Variants in C12orf56 observed in about 807,000 individuals in gnomAD.
The protein encoded by C12orf56 is uncharacterized protein C12orf56.
A neutral mutation model predicts 69.9 loss-of-function variants in C12orf56; 71 were observed. The observed-to-expected ratio is 1.02, with a 90% CI of 0.84 to 1.24. The LOEUF (loss-of-function observed/expected upper bound fraction) is 1.24, where lower values mean the gene tolerates loss of function less well. Among genes scored for constraint, C12orf56 ranks in the 50% most tolerant of loss-of-function variants. The pLI is 0.00. For synonymous variants in C12orf56, 276 were observed against 274.1 expected (o/e 1.01, Z -0.07); for missense variants, 732 against 738.5 (o/e 0.99, Z 0.10).
chr12:64,274,248 G>A (rs1331529906), intron 11 of C12orf56, among the ~76,000 whole-genome samples: 2 of 152,302 alleles, frequency 1.3e-5, no homozygotes, highest in East Asian at 3.9e-4. Context: ...CAGGGAGGGG[G>A]GTGGTGGTGG....
intron 6 of C12orf56, among the ~76,000 whole-genome samples, chr12:64,294,708 G>A (rs2038341649): frequency 1.3e-5 from 2 of 152,106 alleles, no homozygotes; most frequent in South Asian, 2.1e-4. Flanking sequence ...ATGGAAAGTT[G>A]TTGCTTAATG....
chr12:64,385,394 T>C (rs1166801323), intron 1 of C12orf56, among the ~76,000 whole-genome samples: 2 of 152,198 alleles, frequency 1.3e-5, no homozygotes, highest in African/African-American at 2.4e-5. Context: ...GGAATAGAAT[T>C]TTATCTGTAT....
At chr12:64,366,352 AT>A (rs1346010827) in intron 1 of C12orf56, among the ~76,000 whole-genome samples, 1 of 99,678 alleles carries the variant, frequency 1.0e-5, no homozygotes, top group Non-Finnish European at 1.8e-5. Context: ...TATATTATAT[AT>A]TATATACAGT....
intron 3 of C12orf56, among the ~76,000 whole-genome samples, chr12:64,320,717 C>T (rs2038760868): frequency 6.6e-6 from 1 of 152,128 alleles, no homozygotes; most frequent in Non-Finnish European, 1.5e-5. Context: ...CTTTGTTAAA[C>T]AAAGTTGATG....
intron 2 of C12orf56, among the ~76,000 whole-genome samples, chr12:64,337,141 A>G (rs2039007533): frequency 6.6e-6 from 1 of 152,204 alleles, no homozygotes; most frequent in African/African-American, 2.4e-5. Flanking sequence ...AGGCTCATAT[A>G]TCAACATATC....
intron 2 of C12orf56, among the ~76,000 whole-genome samples, chr12:64,343,916 G>A (rs1298974943): frequency 2.6e-5 from 4 of 152,168 alleles, no homozygotes; most frequent in Admixed American, 2.0e-4. Flanking sequence ...TGCTAAGTAT[G>A]TCTATGCCAA....
chr12:64,328,304 C>T (rs2038869772), intron 3 of C12orf56, among the ~76,000 whole-genome samples: 1 of 152,050 alleles, frequency 6.6e-6, no homozygotes, highest in African/African-American at 2.4e-5. Context: ...TTTCCCTATG[C>T]CTCTATATCC....
intron 3 of C12orf56, among the ~76,000 whole-genome samples, chr12:64,321,068 TG>T (rs1440092493): frequency 1.3e-5 from 2 of 152,250 alleles, no homozygotes; most frequent in African/African-American, 4.8e-5. Flanking sequence ...ATGCTTATTT[TG>T]TCTTTTGACA....
intron 6 of C12orf56, among the ~76,000 whole-genome samples, chr12:64,298,903 T>A (rs1434087311): frequency 6.6e-6 from 1 of 152,212 alleles, no homozygotes; most frequent in Non-Finnish European, 1.5e-5. Flanking sequence ...AGCAGTTCTT[T>A]CCAATTCTGT....
intron 1 of C12orf56, among the ~76,000 whole-genome samples, chr12:64,356,170 C>CAA (rs761289428): frequency 0.06 from 2,879 of 48,166 alleles, 280 homozygotes; most frequent in Non-Finnish European, 0.075. Context: ...GACTCCATCT[C>CAA]AAAAAAAAAA....
At chr12:64,277,921 T>C (rs1262640106) in intron 8 of C12orf56, 118 bp from the exon 9 acceptor site, 2 of 749,612 alleles carry the variant, frequency 2.7e-6, no homozygotes, top group East Asian at 3.4e-5. Flanking sequence ...TTGCAGACCA[T>C]CCTTGACTGA....
At chr12:64,335,829 G>T (rs764094146) in intron 2 of C12orf56, among the ~76,000 whole-genome samples, 2 of 152,220 alleles carry the variant, frequency 1.3e-5, no homozygotes, top group South Asian at 2.1e-4. Flanking sequence ...TCAGATGACC[G>T]AGTTGATTGG....
intron 4 of C12orf56, among the ~76,000 whole-genome samples, chr12:64,317,616 C>A (rs1006638674): frequency 6.6e-6 from 1 of 151,988 alleles, no homozygotes; most frequent in African/African-American, 2.4e-5. Context: ...AAAAATTAGC[C>A]GGGCGTGGTG....
chr12:64,381,977 C>T (rs901251270), intron 1 of C12orf56, among the ~76,000 whole-genome samples: 3 of 152,010 alleles, frequency 2.0e-5, no homozygotes, highest in East Asian at 3.9e-4. Flanking sequence ...GAAGAATAAA[C>T]TCAGCAGGGC....
At position 64,331,219 on chromosome 12, in the gene C12orf56, G is replaced by A. The variant is rs188644891; in HGVS notation, c.416-187C>T. Among the ~76,000 whole-genome samples, 68 of 152,222 alleles carry A rather than the reference G, an allele frequency of 4.5e-4. 1 individual carries two copies. In the South Asian group the frequency reaches 8.7e-3, roughly 20 times the overall value. On this transcript the variant is annotated intron_variant, in intron 2 of 12. Transcript: ENST00000543942. ...TTGACTTTGACATGAACATGTCCTC[G>A]GCCAAGCACGGTGGCTCACACCTGT... is the stretch of plus-strand genomic sequence containing the variant.
At chr12:64,323,623 G>A (rs1436170194) in intron 3 of C12orf56, among the ~76,000 whole-genome samples, 1 of 143,796 alleles carries the variant, frequency 7.0e-6, no homozygotes, top group Non-Finnish European at 1.5e-5. Context: ...GAATGCAGTG[G>A]TGTGAGTAGC....
chr12:64,360,995 G>A lies in C12orf56; in HGVS notation c.253-7939C>T, dbSNP rs772145563. On this transcript the variant is annotated intron_variant, in intron 1 of 12. Transcript: ENST00000543942. ...AGAACTTTGGGAGGCCGAGATGGGC[G>A]TATCACTTGAAGTCGGGAGTTTGAG... Among the ~76,000 whole-genome samples the A allele has an allele frequency of 4.6e-5, 7 of 152,128 alleles. No individual in the cohort carries two copies. In the East Asian group the frequency reaches 5.8e-4, roughly 13 times the overall value.
intron 2 of C12orf56, among the ~76,000 whole-genome samples, chr12:64,348,940 T>A (rs2039184806): frequency 6.6e-6 from 1 of 152,144 alleles, no homozygotes; most frequent in Admixed American, 6.5e-5. Flanking sequence ...TCCACAAATA[T>A]CAAGCAAAAC....
rs200150050 is a variant in C12orf56, at chr12:64,285,911, T to C, written c.1220+43A>G. On this transcript the variant is annotated intron_variant, in intron 7 of 12. Transcript: ENST00000543942. ...TGTCTTCCATTTATCTTTAACACCC[T>C]AGCAAAAAAAAAAAAATCGATGATT... 1,272 of 1,323,576 alleles carry C rather than the reference T, an allele frequency of 9.6e-4. 10 individuals carry two copies. The African/African-American group carries it at 0.018, about 18-fold the overall frequency. The allele number at this position is 1,323,576 out of a possible 1,614,324, so 82.0% of individuals were successfully genotyped here.
Sources: gnomAD v4.1 joint callset for allele counts (sites outside exome capture counted in the v4.1 genomes callset) on GRCh38, gnomAD v4.1.1 for gene constraint, MANE v1.5 for transcripts, NCBI Gene and HGNC (gene_info 2026-07-23, HGNC 2026-07-21) for gene names.